Variants in LRMDA observed in about 807,000 individuals in gnomAD.
LRMDA encodes the protein leucine rich melanocyte differentiation associated.
In LRMDA, 18 loss-of-function variants were observed where a neutral mutation model predicts 29.8. The ratio of observed to expected loss-of-function variants is 0.60; its 90% CI spans 0.42 to 0.90. The LOEUF is 0.90. LRMDA is among the 40% of genes least tolerant of loss of function. The pLI is 0.00. For missense variants in LRMDA, 273 were observed against 273.9 expected (o/e 1.00, Z 0.02); for synonymous variants, 125 against 109.4 (o/e 1.14, Z -0.89).
chr10:75,772,484 T>C (rs1055101623), intron 2 of LRMDA, among the ~76,000 whole-genome samples: 2 of 152,240 alleles, frequency 1.3e-5, no homozygotes, highest in Non-Finnish European at 2.9e-5. Flanking sequence ...CAGAGGCTTA[T>C]GTAACATTTG....
At chr10:75,658,295 G>GAAAAAA (rs10649469) in intron 2 of LRMDA, among the ~76,000 whole-genome samples, 4 of 76,640 alleles carry the variant, frequency 5.2e-5, no homozygotes, top group African/African-American at 1.1e-4. Context: ...CAAAGAAAAT[G>GAAAAAA]AAAAAAAAAA....
At chr10:75,467,672 C>T (rs10762667) in intron 2 of LRMDA, among the ~76,000 whole-genome samples, 39,332 of 151,850 alleles carry the variant, frequency 0.26, 5,449 homozygotes, top group African/African-American at 0.35. Flanking sequence ...ACATCAAGAT[C>T]GCAAAGTTGG....
At chr10:75,762,420 G>GA (rs1344238711) in intron 2 of LRMDA, among the ~76,000 whole-genome samples, 58 of 147,198 alleles carry the variant, frequency 3.9e-4, no homozygotes, top group African/African-American at 1.5e-3. Context: ...TTTATGTATG[G>GA]CCCAATTCTT....
chr10:76,431,736 T>C (rs1842192533), intron 6 of LRMDA, among the ~76,000 whole-genome samples: 1 of 152,202 alleles, frequency 6.6e-6, no homozygotes, highest in Admixed American at 6.5e-5. Context: ...ATGGTTTGGT[T>C]GTGTCCCCAC....
intron 5 of LRMDA, among the ~76,000 whole-genome samples, chr10:76,309,221 G>A (rs1481396011): frequency 6.6e-6 from 1 of 152,176 alleles, no homozygotes; most frequent in Admixed American, 6.5e-5. Context: ...GATCAGCGGG[G>A]AGGAGGGGAT....
intron 2 of LRMDA, among the ~76,000 whole-genome samples, chr10:75,533,700 G>T (rs1284096732): frequency 2.0e-5 from 3 of 152,190 alleles, no homozygotes; most frequent in Non-Finnish European, 4.4e-5. Flanking sequence ...GGATCAGGCA[G>T]TTGTAGCAGT....
intron 2 of LRMDA, among the ~76,000 whole-genome samples, chr10:75,498,239 T>C (rs1305245914): frequency 6.6e-6 from 1 of 152,200 alleles, no homozygotes; most frequent in East Asian, 1.9e-4. Flanking sequence ...GAATAGCTAG[T>C]CAAAATCTTA....
intron 2 of LRMDA, among the ~76,000 whole-genome samples, chr10:75,846,690 A>C (rs1844643716): frequency 6.6e-6 from 1 of 152,164 alleles, no homozygotes; most frequent in Non-Finnish European, 1.5e-5. Context: ...AAAGTAAATA[A>C]ATAAATAATA....
At chr10:76,071,630 C>T (rs1848877823) in intron 5 of LRMDA, among the ~76,000 whole-genome samples, 2 of 152,098 alleles carry the variant, frequency 1.3e-5, no homozygotes, top group South Asian at 2.1e-4. Context: ...CTTTGCTTTC[C>T]CTCCCCTCTT....
intron 5 of LRMDA, among the ~76,000 whole-genome samples, chr10:76,251,048 A>G (rs1459623975): frequency 2.0e-5 from 3 of 152,106 alleles, no homozygotes; most frequent in African/African-American, 7.2e-5. Flanking sequence ...GGCTTCTCTC[A>G]TTGGCCTGCT....
At chr10:76,134,727 G>A (rs898919023) in intron 5 of LRMDA, among the ~76,000 whole-genome samples, 12 of 152,020 alleles carry the variant, frequency 7.9e-5, no homozygotes, top group African/African-American at 2.9e-4. Context: ...AATTGGTCAG[G>A]GGGTGGAAAG....
intron 5 of LRMDA, among the ~76,000 whole-genome samples, chr10:76,099,925 A>G (rs1461042999): frequency 6.6e-6 from 1 of 152,122 alleles, no homozygotes; most frequent in Non-Finnish European, 1.5e-5. Flanking sequence ...GTTGTTTCAT[A>G]TGAGGCTTCA....
intron 2 of LRMDA, among the ~76,000 whole-genome samples, chr10:75,717,457 C>T (rs897085600): frequency 3.3e-5 from 5 of 152,190 alleles, no homozygotes; most frequent in Admixed American, 2.0e-4. Flanking sequence ...TTTAATGGCA[C>T]GGCCCTTATT....
At chr10:76,246,736 G>A (rs1345641677) in intron 5 of LRMDA, among the ~76,000 whole-genome samples, 1 of 152,146 alleles carries the variant, frequency 6.6e-6, no homozygotes, top group Non-Finnish European at 1.5e-5. Context: ...TTTAAAGGGT[G>A]TGTGGGATTG....
chr10:76,446,780 C>T (rs1241085989), intron 6 of LRMDA, among the ~76,000 whole-genome samples: 1 of 152,184 alleles, frequency 6.6e-6, no homozygotes, highest in East Asian at 1.9e-4. Context: ...CACCCACTTA[C>T]TTATGCTTTG....
chr10:75,924,971 G>T (rs1161516999), intron 2 of LRMDA, among the ~76,000 whole-genome samples: 1 of 152,194 alleles, frequency 6.6e-6, no homozygotes, highest in Non-Finnish European at 1.5e-5. Context: ...AGTTGAATGG[G>T]TGGCTTTCTT....
intron 6 of LRMDA, among the ~76,000 whole-genome samples, chr10:76,531,246 T>A (rs1843230653): frequency 6.6e-6 from 1 of 152,162 alleles, no homozygotes; most frequent in South Asian, 2.1e-4. Flanking sequence ...TAATACCCAG[T>A]AATGGATCGT....
intron 5 of LRMDA, among the ~76,000 whole-genome samples, chr10:76,179,748 A>G (rs1246281811): frequency 6.6e-6 from 1 of 152,140 alleles, no homozygotes; most frequent in Non-Finnish European, 1.5e-5. Flanking sequence ...CTTCAATATG[A>G]GCCTGGAATG....
intron 5 of LRMDA, among the ~76,000 whole-genome samples, chr10:76,161,660 T>A (rs1238964466): frequency 6.6e-6 from 1 of 152,194 alleles, no homozygotes; most frequent in Admixed American, 6.5e-5. Flanking sequence ...CAAATGTTGA[T>A]GAACAGAAAG....
Sources: allele counts gnomAD v4.1 joint callset (sites outside exome capture counted in the v4.1 genomes callset), GRCh38; gene constraint gnomAD v4.1.1; transcripts MANE v1.5; gene names NCBI Gene and HGNC (gene_info 2026-07-23, HGNC 2026-07-21).